RABEP1: variants seen among roughly 807,000 people sequenced by gnomAD.
RABEP1 encodes rab GTPase-binding effector protein 1.
In RABEP1, 51 loss-of-function variants were observed where a neutral mutation model predicts 123.4. That is an observed-to-expected ratio of 0.41 (90% CI 0.33 to 0.52). RABEP1 has a LOEUF of 0.52. RABEP1 is among the 20% of genes least tolerant of loss of function. RABEP1 has a pLI of 0.16. For synonymous variants in RABEP1, 347 were observed against 355.2 expected, an observed-to-expected ratio of 0.98 and a Z score of 0.26; for missense variants, 888 against 996.3, an observed-to-expected ratio of 0.89 and a Z score of 1.46.
At chr17:5,346,677 A>G in intron 5 of RABEP1, 113 bp from the exon 6 acceptor site, 2 of 557,918 alleles carry the variant, frequency 3.6e-6, no homozygotes, top group South Asian at 1.3e-4. Flanking sequence ...ATTTATGTAG[A>G]TGTAAAAGTA....
At chr17:5,338,391 A>C (rs1907286567) in intron 5 of RABEP1, among the ~76,000 whole-genome samples, 1 of 152,098 alleles carries the variant, frequency 6.6e-6, no homozygotes, top group South Asian at 2.1e-4. Flanking sequence ...GAGAAACCCC[A>C]TCTCTACTAA....
chr17:5,386,166 A>G lies in RABEP1; in HGVS notation c.*2943A>G. 6.7e-7 allele frequency: 1 copy of G among 1,502,846 alleles called. No individual in the cohort carries two copies. Among genetic ancestry groups the G allele is most frequent in the Non-Finnish European group, 9.2e-7 (1 of 1,091,300 alleles). 93.1% of individuals were successfully genotyped at this position (1,502,846 alleles called of 1,614,324 possible). A position where few individuals can be genotyped will look rare whatever the true frequency, so the allele number is the denominator to read the frequency against. Reference sequence around the variant, plus strand: ...TTTTACAATATGGGTTTAAGCCTTCAATGGTGTTCAGTTCAGGTGTGAGTC... The same window carrying G: ...TTTTACAATATGGGTTTAAGCCTTCGATGGTGTTCAGTTCAGGTGTGAGTC... On this transcript the variant is annotated 3_prime_UTR_variant, in exon 18 of 18. Transcript: ENST00000537505.
At chr17:5,358,254 C>G (rs919880722) in intron 8 of RABEP1, among the ~76,000 whole-genome samples, 3 of 120,864 alleles carry the variant, frequency 2.5e-5, no homozygotes, top group Non-Finnish European at 4.9e-5. Context: ...CCATTTTTTA[C>G]TACTATACAA....
At chr17:5,353,259 G>T (rs1341828981) in intron 7 of RABEP1, among the ~76,000 whole-genome samples, 2 of 152,146 alleles carry the variant, frequency 1.3e-5, no homozygotes, top group African/African-American at 4.8e-5. Context: ...CTCTTCTCAT[G>T]CAACTGGCAA....
At chr17:5,368,516 T>C in intron 12 of RABEP1, 48 bp downstream of exon 12, 1 of 1,336,740 alleles carries the variant, frequency 7.5e-7, no homozygotes, top group Non-Finnish European at 1.1e-6. Context: ...TATATATTCC[T>C]TTTTTGTTCT....
chr17:5,382,138 G>A (rs1911524243), intron 17 of RABEP1, among the ~76,000 whole-genome samples: 1 of 150,578 alleles, frequency 6.6e-6, no homozygotes, highest in Non-Finnish European at 1.5e-5. Context: ...CTAGAGTGCA[G>A]TGGTGTGATC....
In RABEP1 at chr17:5,301,986, G is replaced by T. The variant is rs766806604; in HGVS notation, c.35-6708G>T. Among the ~76,000 whole-genome samples, 5 of 152,210 alleles carry T rather than the reference G, an allele frequency of 3.3e-5. No individual in the cohort carries two copies. The East Asian group carries it at 9.6e-4, about 29-fold the overall frequency. On this transcript the variant is annotated intron_variant, in intron 1 of 17. Transcript: ENST00000537505. ...ATTGTTAAGGGTATGGTCCTCTGAA[G>T]AAAGGAGATATTTCTATTAGACTCT...
chr17:5,370,998 G>A (rs1402862834), intron 12 of RABEP1, among the ~76,000 whole-genome samples: 2 of 148,836 alleles, frequency 1.3e-5, no homozygotes, highest in African/African-American at 5.0e-5. Context: ...ACGGAGTCTT[G>A]CTCTGTCGCC....
intron 8 of RABEP1, among the ~76,000 whole-genome samples, chr17:5,360,340 A>G (rs987787639): frequency 6.6e-6 from 1 of 152,190 alleles, no homozygotes; most frequent in African/African-American, 2.4e-5. Flanking sequence ...AGGTCGGGGG[A>G]TCACGAGGTC....
chr17:5,294,385 AAAAT>A (rs2075060782), intron 1 of RABEP1, among the ~76,000 whole-genome samples: 1 of 152,256 alleles, frequency 6.6e-6, no homozygotes, highest in African/African-American at 2.4e-5. Context: ...CCAACTCAAG[AAAAT>A]AAACCAATAA....
chr17:5,326,825 C>G (rs1906017977), intron 2 of RABEP1, among the ~76,000 whole-genome samples: 1 of 152,126 alleles, frequency 6.6e-6, no homozygotes, highest in Non-Finnish European at 1.5e-5. Flanking sequence ...TAAGAAAATA[C>G]AGTTATGCAT....
In RABEP1 at chr17:5,282,330, G is replaced by C. The variant is rs1325198422; in HGVS notation, c.-157G>C. 2 of 505,752 alleles carry C rather than the reference G, an allele frequency of 4.0e-6. No individual in the cohort carries two copies. The highest frequency in any genetic ancestry group is 4.0e-5 in the African/African-American group (2 of 50,144). The allele number at this position is 505,752 out of a possible 1,614,324, so 31.3% of individuals were successfully genotyped here. ...TCGGCGGTCGGGTCCGTCTCTGCCC[G>C]CGGCTGTGGCGGCGCCGGCGGATCC... On this transcript the variant is annotated 5_prime_UTR_variant, in exon 1 of 18. Transcript: ENST00000537505.
chr17:5,370,963 C>T (rs1910475873), intron 12 of RABEP1, among the ~76,000 whole-genome samples: 1 of 146,158 alleles, frequency 6.8e-6, no homozygotes, highest in Non-Finnish European at 1.5e-5. Flanking sequence ...CCATTTGTTT[C>T]TCTTTTTTTT....
intron 1 of RABEP1, 134 bp downstream of exon 1, chr17:5,282,654 GGGCGCGCGGGCTGC>G (rs546147026): frequency 0.016 from 8,179 of 499,114 alleles, 110 homozygotes; most frequent in Non-Finnish European, 0.02. Context: ...GCGGAGGCGG[GGGCGCGCGGGCTGC>G]GGCGCGCGAG....
rs752757081 is a variant in RABEP1, at chr17:5,338,086, A to G, written c.596A>G (p.Lys199Arg). 1 of 1,613,560 alleles carries G rather than the reference A, an allele frequency of 6.2e-7. No individual in the cohort carries two copies. Among genetic ancestry groups the G allele is most frequent in the Non-Finnish European group, 8.5e-7 (1 of 1,179,532 alleles). The change falls in exon 5 of 18, where the codon AAG (lysine) becomes AGG (arginine). Residue 199 changes from lysine to arginine, a missense_variant. Coordinates refer to ENST00000537505, the MANE Select transcript of RABEP1 (RefSeq NM_004703.6). Reference sequence around the variant, plus strand: ...ATGGAAAAGGAAATTGCAGCTTTGAAGGATAAACTGACAGAGGCTGAAGAC... The same window carrying G: ...ATGGAAAAGGAAATTGCAGCTTTGAGGGATAAACTGACAGAGGCTGAAGAC... The part of the protein sequence containing the change: ...MPMEKEIAAL[K>R]DKLTEAEDKI...
At chr17:5,376,154 T>C (rs1910976078) in intron 13 of RABEP1, among the ~76,000 whole-genome samples, 1 of 152,122 alleles carries the variant, frequency 6.6e-6, no homozygotes, top group African/African-American at 2.4e-5. Context: ...TCCTAGATCT[T>C]AAAATGTTCC....
At position 5,282,947 on chromosome 17, in the gene RABEP1, A is replaced by C. The variant is rs558820638; in HGVS notation, c.34+427A>C. 3.3e-5 allele frequency among the ~76,000 whole-genome samples: 5 copies of C among 152,222 alleles called. No homozygotes were observed. The South Asian group carries it at 1.0e-3, about 32-fold the overall frequency. On this transcript the variant is annotated intron_variant, in intron 1 of 17. Coordinates refer to ENST00000537505, the MANE Select transcript of RABEP1 (RefSeq NM_004703.6). Reference sequence around the variant, plus strand: ...TCCCTGCCGCCCCAATCCTTGCTATAGAACTCTTTGCACCCAGTTATGTGA... The same window carrying C: ...TCCCTGCCGCCCCAATCCTTGCTATCGAACTCTTTGCACCCAGTTATGTGA...
At chr17:5,349,162 C>T (rs1321012376) in intron 6 of RABEP1, among the ~76,000 whole-genome samples, 1 of 152,084 alleles carries the variant, frequency 6.6e-6, no homozygotes, top group African/African-American at 2.4e-5. Context: ...TGTCTGGCTT[C>T]AGTGAAGGGT....
chr17:5,320,892 G>T (rs1223489290), intron 2 of RABEP1, among the ~76,000 whole-genome samples: 1 of 152,192 alleles, frequency 6.6e-6, no homozygotes, highest in Non-Finnish European at 1.5e-5. Flanking sequence ...CAATAAAATG[G>T]CAGTAGTAAG....
Sources: gnomAD v4.1 joint callset for allele counts (sites outside exome capture counted in the v4.1 genomes callset) on GRCh38, gnomAD v4.1.1 for gene constraint, MANE v1.5 for transcripts, NCBI Gene and HGNC (gene_info 2026-07-23, HGNC 2026-07-21) for gene names.